ST18: variants seen among roughly 807,000 people sequenced by gnomAD.
ST18 encodes the protein ST18 C2H2C-type zinc finger transcription factor, also known as suppression of tumorigenicity 18 protein.
Under a neutral mutation model 110.0 loss-of-function variants are expected in ST18, and 50 were observed. The observed-to-expected ratio is 0.45, with a 90% CI of 0.36 to 0.58. The LOEUF (loss-of-function observed/expected upper bound fraction) is 0.58. Among genes scored for constraint, ST18 ranks in the 20% least tolerant of loss-of-function variants. The pLI is 0.00. For synonymous variants in ST18, 461 were observed against 452.4 expected (o/e 1.02, Z -0.24); for missense variants, 1,306 against 1,280.1 (o/e 1.02, Z -0.31).
intron 2 of ST18, among the ~76,000 whole-genome samples, chr8:52,358,416 CT>C (rs576635181): frequency 1.3e-3 from 191 of 151,916 alleles, no homozygotes; most frequent in African/African-American, 4.3e-3. Context: ...AAAGTAGTTT[CT>C]TTTAAAAAGG....
In ST18 at chr8:52,309,536, A is replaced by G. The variant is rs998473987; in HGVS notation, c.-464-79459T>C. Among the ~76,000 whole-genome samples, 9 of 151,134 alleles carry G rather than the reference A, an allele frequency of 6.0e-5. No homozygotes were observed. In the South Asian group the frequency reaches 6.2e-4, roughly 10 times the overall value. ...ACTCCATCTCAAAAAAAAAAAAAAAAAAAAAAAAGAAATCACGTGGCTCAT... is the reference window on the plus strand; with the variant it reads ...ACTCCATCTCAAAAAAAAAAAAAAAGAAAAAAAAGAAATCACGTGGCTCAT... On this transcript the variant is annotated intron_variant, in intron 2 of 25. Coordinates refer to ENST00000689386, the MANE Select transcript of ST18 (RefSeq NM_001352837.2).
chr8:52,216,655 G>A (rs1278612340), intron 6 of ST18, among the ~76,000 whole-genome samples: 3 of 152,122 alleles, frequency 2.0e-5, no homozygotes, highest in African/African-American at 4.8e-5. Context: ...AGAGTTTATC[G>A]CTCGTGAGAT....
At chr8:52,389,724 G>A (rs900213488) in intron 2 of ST18, among the ~76,000 whole-genome samples, 6 of 152,182 alleles carry the variant, frequency 3.9e-5, no homozygotes, top group Non-Finnish European at 5.9e-5. Context: ...GGCCCAACTG[G>A]CCCTGCACGG....
chr8:52,126,698 T>C (rs539412943), intron 22 of ST18, among the ~76,000 whole-genome samples: 22 of 152,356 alleles, frequency 1.4e-4, no homozygotes, highest in African/African-American at 5.3e-4. Flanking sequence ...TCTTTAACTT[T>C]TACAACATTT....
At chr8:52,136,269 A>G (rs2052225017) in intron 19 of ST18, among the ~76,000 whole-genome samples, 1 of 152,192 alleles carries the variant, frequency 6.6e-6, no homozygotes, top group Non-Finnish European at 1.5e-5. Context: ...AATGGCAGGT[A>G]TGCTTTGAGA....
intron 2 of ST18, among the ~76,000 whole-genome samples, chr8:52,261,278 G>A (rs1238322528): frequency 1.3e-5 from 2 of 152,074 alleles, no homozygotes; most frequent in Non-Finnish European, 2.9e-5. Context: ...GGCTATTTTG[G>A]CCCTAATCCC....
chr8:52,188,329 T>C lies in ST18; in HGVS notation c.87-8017A>G, dbSNP rs117669458. ...AATTTTAGTAAAGATCTCAAGGAGGTTAGATAAGGGAGAAAATGCAGAAAC... is the reference window on the plus strand; with the variant it reads ...AATTTTAGTAAAGATCTCAAGGAGGCTAGATAAGGGAGAAAATGCAGAAAC... On this transcript the variant is annotated intron_variant, in intron 8 of 25. Coordinates refer to ENST00000689386, the MANE Select transcript of ST18 (RefSeq NM_001352837.2). Among the ~76,000 whole-genome samples the C allele has an allele frequency of 2.0e-4, 30 of 151,516 alleles. No homozygotes were observed. In the East Asian group the frequency reaches 5.2e-3, roughly 26 times the overall value.
intron 10 of ST18, 106 bp from the exon 11 acceptor site, chr8:52,167,092 G>A (rs192208800): frequency 3.1e-5 from 43 of 1,405,224 alleles, no homozygotes; most frequent in Admixed American, 2.8e-4. Flanking sequence ...CAGTTTTACC[G>A]TTATAAACAT....
At chr8:52,201,622 C>CA (rs1382632564) in intron 8 of ST18, among the ~76,000 whole-genome samples, 2 of 151,000 alleles carry the variant, frequency 1.3e-5, no homozygotes, top group East Asian at 1.9e-4. Flanking sequence ...AACAAAAAAA[C>CA]AAAAAAACTG....
At chr8:52,211,737 T>A (rs1455088700) in intron 8 of ST18, among the ~76,000 whole-genome samples, 1 of 152,180 alleles carries the variant, frequency 6.6e-6, no homozygotes, top group South Asian at 2.1e-4. Context: ...GGTTCATGGA[T>A]AACAGCTCAG....
At chr8:52,324,065 G>A (rs908761351) in intron 2 of ST18, among the ~76,000 whole-genome samples, 2 of 152,162 alleles carry the variant, frequency 1.3e-5, no homozygotes, top group African/African-American at 4.8e-5. Context: ...TGGCTATGGC[G>A]AGAGAATGTT....
intron 2 of ST18, among the ~76,000 whole-genome samples, chr8:52,383,830 C>A (rs1424000936): frequency 6.6e-6 from 1 of 152,046 alleles, no homozygotes; most frequent in Non-Finnish European, 1.5e-5. Context: ...CTTACTGTAG[C>A]CTCAAACCCC....
intron 2 of ST18, among the ~76,000 whole-genome samples, chr8:52,283,562 G>A (rs954196502): frequency 1.3e-5 from 2 of 152,200 alleles, no homozygotes; most frequent in African/African-American, 4.8e-5. Context: ...GTCAATGGTA[G>A]TGGTGGAGGT....
chr8:52,311,023 A>G (rs1020092873), intron 2 of ST18, among the ~76,000 whole-genome samples: 4 of 152,212 alleles, frequency 2.6e-5, no homozygotes, highest in Non-Finnish European at 5.9e-5. Flanking sequence ...ACACCTCTCA[A>G]TGGATTGCAC....
intron 8 of ST18, among the ~76,000 whole-genome samples, chr8:52,187,298 G>T (rs962255635): frequency 1.3e-5 from 2 of 152,106 alleles, no homozygotes; most frequent in Non-Finnish European, 2.9e-5. Flanking sequence ...TCCTGAGGTT[G>T]GTACTATTAT....
At chr8:52,248,802 G>C (rs916761030) in intron 2 of ST18, among the ~76,000 whole-genome samples, 6 of 152,270 alleles carry the variant, frequency 3.9e-5, no homozygotes, top group Non-Finnish European at 8.8e-5. Context: ...TTAAATACAA[G>C]AGGAAAAGAG....
chr8:52,312,828 G>A (rs1461804741), intron 2 of ST18, among the ~76,000 whole-genome samples: 1 of 152,178 alleles, frequency 6.6e-6, no homozygotes, highest in Middle Eastern at 3.2e-3. Flanking sequence ...ACCCTATGAT[G>A]TTGGAGGGGT....
At chr8:52,166,721 G>A (rs1298968218) in intron 11 of ST18, 131 bp downstream of exon 11, 1 of 1,235,770 alleles carries the variant, frequency 8.1e-7, no homozygotes, top group Non-Finnish European at 1.1e-6. Flanking sequence ...CCCACAGCTA[G>A]ATGGAATTGG....
intron 3 of ST18, among the ~76,000 whole-genome samples, chr8:52,226,197 A>G (rs573590988): frequency 6.6e-6 from 1 of 152,232 alleles, no homozygotes; most frequent in South Asian, 2.1e-4. Context: ...ATGGATTTCA[A>G]TTTCCCTTCC....
Sources: gnomAD v4.1 joint callset for allele counts (sites outside exome capture counted in the v4.1 genomes callset) on GRCh38, gnomAD v4.1.1 for gene constraint, MANE v1.5 for transcripts, NCBI Gene and HGNC (gene_info 2026-07-23, HGNC 2026-07-21) for gene names.